PDE5A: variants seen among roughly 807,000 people sequenced by gnomAD.
The protein encoded by PDE5A is phosphodiesterase 5A, also known as cGMP-specific 3',5'-cyclic phosphodiesterase.
A neutral mutation model predicts 110.2 loss-of-function variants in PDE5A; 67 were observed. That is an observed-to-expected ratio of 0.61 (90% CI 0.50 to 0.75). PDE5A has a LOEUF of 0.75. Ranked by LOEUF, PDE5A falls within the 30% of genes least tolerant of loss-of-function variation. PDE5A has a pLI of 0.00. For synonymous variants in PDE5A, 328 were observed against 351.2 expected (o/e 0.93, Z 0.74); for missense variants, 862 against 1,045.1 (o/e 0.82, Z 2.42).
intron 1 of PDE5A, among the ~76,000 whole-genome samples, chr4:119,609,057 G>A (rs1729645886): frequency 6.6e-6 from 1 of 152,060 alleles, no homozygotes; most frequent in Non-Finnish European, 1.5e-5. Context: ...AGCTACTTGG[G>A]AGGCTGAGGC....
chr4:119,519,399 A>G, intron 13 of PDE5A: 1 of 391,500 alleles, frequency 2.6e-6, no homozygotes, highest in East Asian at 4.0e-5. Context: ...CTGTCCACCT[A>G]TAGTAAGTAT....
At chr4:119,570,606 C>G (rs990216329) in intron 3 of PDE5A, among the ~76,000 whole-genome samples, 7 of 152,176 alleles carry the variant, frequency 4.6e-5, no homozygotes, top group Non-Finnish European at 7.4e-5. Flanking sequence ...AATGTGACAG[C>G]TGGTTGTTTC....
At position 119,606,873 on chromosome 4, in the gene PDE5A, C is replaced by T. The variant is rs1729550017; in HGVS notation, c.577G>A (p.Asp193Asn). 2 of 1,614,228 alleles carry T rather than the reference C, an allele frequency of 1.2e-6. No individual in the cohort carries two copies. The highest frequency in any genetic ancestry group is 1.3e-5 in the African/African-American group (1 of 75,060). The change falls in exon 2 of 21, where the codon GAC (aspartate) becomes AAC (asparagine). Residue 193 changes from aspartate to asparagine, a missense_variant. By Grantham distance (23) the Asp-to-Asn change is conservative (BLOSUM62 1). Transcript: ENST00000354960. Reference protein sequence around the residue: ...DRYSLFLVCEDSSNDKFLISR... With the variant: ...DRYSLFLVCENSSNDKFLISR... ...ATAAGAAACTTGTCATTGGAGCTGT[C>T]TTCACAGACAAGGAACAGGGAATAG...
chr4:119,616,110 AG>A (rs1362850101), intron 1 of PDE5A, among the ~76,000 whole-genome samples: 3 of 152,202 alleles, frequency 2.0e-5, no homozygotes, highest in Admixed American at 1.3e-4. Flanking sequence ...GAGTGAATTT[AG>A]TTTTGCTTTT....
chr4:119,524,282 A>G (rs1458299764), intron 12 of PDE5A, among the ~76,000 whole-genome samples: 1 of 152,144 alleles, frequency 6.6e-6, no homozygotes, highest in Non-Finnish European at 1.5e-5. Flanking sequence ...TCAAAAATCC[A>G]TGATCTTTCT....
chr4:119,579,632 T>C (rs1356588132), intron 3 of PDE5A, among the ~76,000 whole-genome samples: 2 of 151,488 alleles, frequency 1.3e-5, no homozygotes, highest in African/African-American at 2.4e-5. Context: ...TAGGTGGGAA[T>C]TGAACAATGA....
chr4:119,607,253 G>A lies in PDE5A; in HGVS notation c.197C>T (p.Pro66Leu). ...AWFAERVHTI[P>L]VCKEGIRGHT... ...GCCTCTGATACCTTCCTTGCACACA[G>A]GGATGGTGTGAACTCTCTCAGCAAA... The change falls in exon 2 of 21, where the codon CCT becomes CTT. Residue 66 changes from proline (P) to leucine (L), a missense_variant. Physicochemically the swap from Pro to Leu is moderately conservative, Grantham distance 98. Coordinates refer to ENST00000354960, the MANE Select transcript of PDE5A (RefSeq NM_001083.4). 6.2e-7 allele frequency: 1 copy of A among 1,613,230 alleles called. No individual in the cohort carries two copies. Among genetic ancestry groups the A allele is most frequent in the Non-Finnish European group, 8.5e-7 (1 of 1,179,896 alleles).
At chr4:119,553,556 C>T (rs1727435936) in intron 8 of PDE5A, 82 bp downstream of exon 8, 2 of 772,178 alleles carry the variant, frequency 2.6e-6, no homozygotes, top group African/African-American at 3.4e-5. Flanking sequence ...TAGAGCCAGT[C>T]CTTCAGTTCA....
chr4:119,525,408 G>T lies in PDE5A; in HGVS notation c.1779+141C>A. The stretch of plus-strand genomic sequence containing the variant: ...ATGATAATTTTTCTTTAAAAGTCTC[G>T]GGTATATATTAGGTGACAGTATATT... On this transcript the variant is annotated intron_variant, in intron 12 of 20. Coordinates refer to ENST00000354960, the MANE Select transcript of PDE5A (RefSeq NM_001083.4). The surrounding 1 kb of genome is among the most constrained non-coding windows in gnomAD (Gnocchi z 4.3). The T allele has an allele frequency of 6.0e-6, 4 of 665,990 alleles. No individual in the cohort carries two copies. Among genetic ancestry groups the T allele is most frequent in the South Asian group, 3.1e-5 (1 of 31,808 alleles). 41.3% of individuals were successfully genotyped at this position (665,990 alleles called of 1,614,324 possible).
intron 1 of PDE5A, among the ~76,000 whole-genome samples, chr4:119,617,614 T>G (rs952557752): frequency 5.3e-5 from 8 of 152,130 alleles, no homozygotes; most frequent in Non-Finnish European, 1.0e-4. Context: ...GAAGAAAAAT[T>G]GACAAGGCAA....
rs554478161 is a variant in PDE5A at position 119,504,468 on chromosome 4, T to C, written c.2331+68A>G. 7.4e-5 allele frequency: 87 copies of C among 1,169,592 alleles called. No homozygotes were observed. The South Asian group carries it at 1.1e-3, about 15-fold the overall frequency. 72.5% of individuals were successfully genotyped at this position (1,169,592 alleles called of 1,614,324 possible). On this transcript the variant is annotated intron_variant, in intron 18 of 20. Coordinates refer to ENST00000354960, the MANE Select transcript of PDE5A (RefSeq NM_001083.4). ...TATTTTTCTTTAGGTAGATACCTAG[T>C]AGTGGGATTGCTGGGTAGAATGTTA...
At chr4:119,553,493 A>G (rs371712519) in intron 8 of PDE5A, 145 bp downstream of exon 8, 2 of 639,454 alleles carry the variant, frequency 3.1e-6, no homozygotes, top group East Asian at 2.9e-5. Context: ...GATCTATTTT[A>G]TTCTCCTTCC....
chr4:119,565,515 T>C (rs1367986304), intron 4 of PDE5A, 105 bp from the exon 5 acceptor site: 3 of 738,510 alleles, frequency 4.1e-6, no homozygotes, highest in African/African-American at 1.8e-5. Context: ...GCCAAAAGAA[T>C]AGATGTTTGT....
Position 119,627,205 on chromosome 4 carries a change from C to G in PDE5A, c.152+1315G>C. On this transcript the variant is annotated intron_variant, in intron 1 of 20. Transcript: ENST00000354960. This position sits in a 1 kb window ranked among gnomAD's most constrained non-coding sequence, Gnocchi z 4.6. Reference sequence around the variant, plus strand: ...AACGTGGGAAGTTCGTTTTCGAACTCCGCCGATCCTGGACTCCAGGAGGCT... The same window carrying G: ...AACGTGGGAAGTTCGTTTTCGAACTGCGCCGATCCTGGACTCCAGGAGGCT... The G allele has an allele frequency of 6.2e-7, 1 of 1,612,588 alleles. No individual in the cohort carries two copies.
rs1195732837 is a variant in PDE5A, at chr4:119,628,735, C to T, written c.-64G>A. ...TTTTCCACCCCAGCTGGGGTCCGTCCCTCAGAAGAACAGGACTCGGCCTCG... is the reference window on the plus strand; with the variant it reads ...TTTTCCACCCCAGCTGGGGTCCGTCTCTCAGAAGAACAGGACTCGGCCTCG... On this transcript the variant is annotated 5_prime_UTR_variant, in exon 1 of 21. Transcript: ENST00000354960. The T allele has an allele frequency of 6.3e-7, 1 of 1,590,202 alleles. No individual in the cohort carries two copies. The highest frequency in any genetic ancestry group is 8.5e-7 in the Non-Finnish European group (1 of 1,173,646).
chr4:119,529,284 AC>A (rs1335408674), intron 11 of PDE5A, among the ~76,000 whole-genome samples: 1 of 152,054 alleles, frequency 6.6e-6, no homozygotes, highest in Non-Finnish European at 1.5e-5. Context: ...TAATTCTTTA[AC>A]TTTTTTTATG....
chr4:119,528,721 T>C (rs534037554), intron 11 of PDE5A: 11 of 152,250 alleles, frequency 7.2e-5, no homozygotes, highest in African/African-American at 2.6e-4. Flanking sequence ...TATTAATACA[T>C]TTATCTCTGT....
chr4:119,567,201 AT>A, intron 3 of PDE5A, 57 bp from the exon 4 acceptor site: 1 of 1,240,718 alleles, frequency 8.1e-7, no homozygotes, highest in Non-Finnish European at 1.2e-6. Flanking sequence ...ACTTGTAAAA[AT>A]TCACCAAAAT....
rs150910915 is a variant in PDE5A at position 119,555,050 on chromosome 4, C to T, written c.1200-1304G>A. 2.5e-3 allele frequency among the ~76,000 whole-genome samples: 387 copies of T among 152,300 alleles called. 5 individuals carry two copies. The highest frequency in any genetic ancestry group is 8.4e-3 in the African/African-American group (349 of 41,572). On this transcript the variant is annotated intron_variant, in intron 7 of 20. Coordinates refer to ENST00000354960, the MANE Select transcript of PDE5A (RefSeq NM_001083.4). ...CTTCTGTCCTTCCCACCCAACCTGA[C>T]CCAGCTGCTTCTTGGGACAGTGGTT...
Sources: gnomAD v4.1 joint callset for allele counts (sites outside exome capture counted in the v4.1 genomes callset) on GRCh38, gnomAD v4.1.1 for gene constraint, Gnocchi (gnomAD v3.1) non-coding constraint, MANE v1.5 for transcripts, NCBI Gene and HGNC (gene_info 2026-07-23, HGNC 2026-07-21) for gene names.